Variants in WWC2 observed in about 807,000 individuals in gnomAD.
WWC2 encodes WW and C2 domain containing 2, also known as protein WWC2.
In WWC2, 101 loss-of-function variants were observed where a neutral mutation model predicts 138.5. That is an observed-to-expected ratio of 0.73 (90% confidence interval 0.62 to 0.86). WWC2 has a LOEUF of 0.86. Among genes scored for constraint, WWC2 ranks in the 40% least tolerant of loss-of-function variants. The probability of loss-of-function intolerance (pLI) is 0.00; values close to 1 mark genes in which losing one functional copy is unlikely to be tolerated. For missense variants in WWC2, 1,420 were observed against 1,419.4 expected (o/e 1.00, Z -0.01); for synonymous variants, 558 against 538.4 (o/e 1.04, Z -0.50).
At chr4:183,241,181 C>T (rs560867098) in intron 5 of WWC2, among the ~76,000 whole-genome samples, 2 of 152,204 alleles carry the variant, frequency 1.3e-5, no homozygotes, top group Non-Finnish European at 2.9e-5. Flanking sequence ...AGGCAGGTTT[C>T]GTGTTCTTCC....
At chr4:183,202,427 T>G (rs1233868340) in intron 2 of WWC2, among the ~76,000 whole-genome samples, 2 of 152,110 alleles carry the variant, frequency 1.3e-5, no homozygotes, top group African/African-American at 2.4e-5. Flanking sequence ...AAATGATCAA[T>G]ACACCATCCA....
chr4:183,209,952 G>T (rs1735551617), intron 4 of WWC2, among the ~76,000 whole-genome samples: 1 of 152,056 alleles, frequency 6.6e-6, no homozygotes, highest in African/African-American at 2.4e-5. Context: ...GAGCACTGAG[G>T]GTTAATTTTT....
intron 16 of WWC2, among the ~76,000 whole-genome samples, chr4:183,276,329 A>G (rs553387229): frequency 1.2e-4 from 18 of 152,138 alleles, no homozygotes; most frequent in African/African-American, 2.6e-4. Context: ...TATTATTGAT[A>G]TATTTGGGTT....
chr4:183,271,185 G>T lies in WWC2; in HGVS notation c.2506G>T (p.Glu836Ter), dbSNP rs750354560. ...GCAAATGCCTTGCAAAAAGAATGAA[G>T]AAAATGAGGACTCTGTATTTCAACC... ...SKQMPCKKNE[E>*]NEDSVFQPNQ... Residue 836 changes from glutamate (E) to a stop codon, truncating the protein, a stop_gained, in exon 16 of 23, where the codon GAA becomes TAA. Coordinates refer to ENST00000403733, the MANE Select transcript of WWC2 (RefSeq NM_024949.6). LOFTEE classifies it high-confidence loss of function. 19 of 1,612,742 alleles carry T rather than the reference G, an allele frequency of 1.2e-5. No individual in the cohort carries two copies. Among genetic ancestry groups the T allele is most frequent in the Non-Finnish European group, 3.4e-6 (4 of 1,179,426 alleles).
chr4:183,319,912 C>T lies in WWC2; in HGVS notation c.*4183C>T. 2 of 1,613,882 alleles carry T rather than the reference C, an allele frequency of 1.2e-6. No homozygotes were observed. The highest frequency in any genetic ancestry group is 8.5e-7 in the Non-Finnish European group (1 of 1,179,842). On this transcript the variant is annotated 3_prime_UTR_variant, in exon 23 of 23. Coordinates refer to ENST00000403733, the MANE Select transcript of WWC2 (RefSeq NM_024949.6). ...TGACTCTCTCCAATTCTCAAACAGT[C>T]CAGGCCAAACCCAGAGACCAGCAGG...
At chr4:183,248,583 G>A in intron 6 of WWC2, 131 bp from the exon 7 acceptor site, 4 of 883,972 alleles carry the variant, frequency 4.5e-6, no homozygotes, top group Non-Finnish European at 6.5e-6. Context: ...TATATAAAAT[G>A]GTAAGTACCT....
At chr4:183,279,087 C>G (rs1266293282) in intron 16 of WWC2, among the ~76,000 whole-genome samples, 1 of 152,066 alleles carries the variant, frequency 6.6e-6, no homozygotes, top group African/African-American at 2.4e-5. Context: ...CCAGTTCTTG[C>G]CCATTCAGTA....
rs769011578 is a variant in WWC2 at position 183,285,855 on chromosome 4, T to G, written c.3049-112T>G. 1.4e-4 allele frequency: 138 copies of G among 954,582 alleles called. 2 individuals are homozygous for G. In the Middle Eastern group the frequency reaches 4.2e-3, roughly 29 times the overall value. 59.1% of individuals were successfully genotyped at this position (954,582 alleles called of 1,614,324 possible). A position where few individuals can be genotyped will look rare whatever the true frequency, so the allele number is the denominator to read the frequency against. On this transcript the variant is annotated intron_variant, in intron 19 of 22. Coordinates refer to ENST00000403733, the MANE Select transcript of WWC2 (RefSeq NM_024949.6). ...GTTTGAGGGGATTTTCTTAAAGAAA[T>G]AAACTCTTAACTATGACTACCTGCT...
chr4:183,137,704 G>T (rs72695789), intron 1 of WWC2, among the ~76,000 whole-genome samples: 3,718 of 152,166 alleles, frequency 0.024, 74 homozygotes, highest in Non-Finnish European at 0.037. Context: ...TTGCCATGTT[G>T]CCCAGGCTTG....
At chr4:183,277,478 T>TCCTTTGGGTATATA (rs1737899610) in intron 16 of WWC2, among the ~76,000 whole-genome samples, 1 of 150,816 alleles carries the variant, frequency 6.6e-6, no homozygotes, top group Non-Finnish European at 1.5e-5. Context: ...TGATTTATAG[T>TCCTTTGGGTATATA]CCTTTGGGTA....
rs543825039 is a variant in WWC2, at chr4:183,320,557, A to AGGG, written c.*4828_*4829insGGG. 99 of 285,542 alleles carry AGGG rather than the reference A, an allele frequency of 3.5e-4. No individual in the cohort carries two copies. Among genetic ancestry groups the AGGG allele is most frequent in the African/African-American group, 2.0e-3 (93 of 45,794 alleles). 17.7% of individuals were successfully genotyped at this position (285,542 alleles called of 1,614,324 possible). A position where few individuals can be genotyped will look rare whatever the true frequency, so the allele number is the denominator to read the frequency against. On this transcript the variant is annotated 3_prime_UTR_variant, in exon 23 of 23. Transcript: ENST00000403733. ...TTAAAATGGCTTTCATGTTATTCCC[A>AGGG]ACCTTTCTAACAAAGAATTAAGTCT...
Position 183,122,076 on chromosome 4 carries a change from C to T in WWC2, c.131+22454C>T, listed in dbSNP as rs146007585. On this transcript the variant is annotated intron_variant, in intron 1 of 22. Transcript: ENST00000403733. ...CAGGGATTACAGGCGTGAGCCACCA[C>T]GCCCAGCCAAGAAGCATTTTTTTTC... Among the ~76,000 whole-genome samples the T allele has an allele frequency of 3.1e-3, 466 of 152,250 alleles. 5 individuals are homozygous for T. Among genetic ancestry groups the T allele is most frequent in the African/African-American group, 0.011 (456 of 41,552 alleles).
At chr4:183,153,751 T>C (rs892902020) in intron 1 of WWC2, among the ~76,000 whole-genome samples, 1 of 150,622 alleles carries the variant, frequency 6.6e-6, no homozygotes, top group African/African-American at 2.4e-5. Flanking sequence ...GCTCAAGTGA[T>C]CTTCCGACCT....
At chr4:183,119,830 C>G (rs1184145309) in intron 1 of WWC2, among the ~76,000 whole-genome samples, 2 of 152,118 alleles carry the variant, frequency 1.3e-5, no homozygotes, top group South Asian at 2.1e-4. Flanking sequence ...ATGGAAGTCT[C>G]TTAGTACTAC....
chr4:183,185,288 A>T (rs1393354009), intron 1 of WWC2, among the ~76,000 whole-genome samples: 1 of 152,224 alleles, frequency 6.6e-6, no homozygotes, highest in Non-Finnish European at 1.5e-5. Flanking sequence ...CTCTTGTGGG[A>T]GGTGAAATCC....
chr4:183,164,118 A>G (rs1383980185), intron 1 of WWC2, among the ~76,000 whole-genome samples: 1 of 151,526 alleles, frequency 6.6e-6, no homozygotes, highest in South Asian at 2.1e-4. Context: ...GTGAGCAGCA[A>G]TTAAGAAGGT....
At chr4:183,215,406 T>G (rs998845469) in intron 4 of WWC2, among the ~76,000 whole-genome samples, 2 of 152,120 alleles carry the variant, frequency 1.3e-5, no homozygotes, top group African/African-American at 4.8e-5. Context: ...TAGTGAATTT[T>G]GAGTGAAATT....
At chr4:183,099,867 G>T (rs543433864) in intron 1 of WWC2, among the ~76,000 whole-genome samples, 2 of 152,286 alleles carry the variant, frequency 1.3e-5, no homozygotes, top group East Asian at 3.9e-4. Context: ...GCTGCCCCGG[G>T]CCGACGCCGC....
chr4:183,139,674 G>A (rs770802870), intron 1 of WWC2, among the ~76,000 whole-genome samples: 7 of 152,144 alleles, frequency 4.6e-5, no homozygotes, highest in Non-Finnish European at 1.5e-5. Context: ...TGTGGTCCTA[G>A]AATAACCAGG....
Sources: allele counts gnomAD v4.1 joint callset (sites outside exome capture counted in the v4.1 genomes callset), GRCh38; gene constraint gnomAD v4.1.1; transcripts MANE v1.5; gene names NCBI Gene and HGNC (gene_info 2026-07-23, HGNC 2026-07-21).